Variants in CNR2 observed in about 807,000 individuals in gnomAD.
CNR2 encodes cannabinoid receptor 2 (macrophage).
For missense variants in CNR2, 379 were observed against 439.9 expected, an observed-to-expected ratio of 0.86 and a Z score of 1.24; for synonymous variants, 172 against 182.2, an observed-to-expected ratio of 0.94 and a Z score of 0.45.
intron 1 of CNR2, chr1:23,907,830 T>TAA (rs1640521102): frequency 1.3e-5 from 2 of 152,072 alleles, no homozygotes; most frequent in Non-Finnish European, 2.9e-5. Context: ...ATGCTGTCTT[T>TAA]AATCATTGGC....
At chr1:23,906,970 C>A (rs1007468110) in intron 1 of CNR2, 1 of 151,814 alleles carries the variant, frequency 6.6e-6, no homozygotes, top group Non-Finnish European at 1.5e-5. Flanking sequence ...GTGTAGATCT[C>A]TTTTATACCC....
intron 1 of CNR2, among the ~76,000 whole-genome samples, chr1:23,892,997 C>T (rs532213879): frequency 2.0e-5 from 3 of 152,264 alleles, no homozygotes; most frequent in African/African-American, 7.2e-5. Flanking sequence ...GCCTGGGCGA[C>T]AGAGCGAGAC....
Position 23,871,154 on chromosome 1 carries a change from C to CAAAA in CNR2, c.*3377_*3380dup, listed in dbSNP as rs34781596. 8.5e-5 allele frequency: 5 copies of CAAAA among 58,768 alleles called. No individual in the cohort carries two copies. The highest frequency in any genetic ancestry group is 2.0e-4 in the African/African-American group (3 of 14,670). The allele number at this position is 58,768 out of a possible 1,614,324, so 3.6% of individuals were successfully genotyped here. A position where few individuals can be genotyped will look rare whatever the true frequency, so the allele number is the denominator to read the frequency against. On this transcript the variant is annotated 3_prime_UTR_variant, in exon 2 of 2. Transcript: ENST00000374472. ...TGGGTGACAGAGTGAGATTCTATGT[C>CAAAA]AAAAAAAAAAAAAAAAAAAAAAAAA...
At chr1:23,905,868 A>C (rs962216548) in intron 1 of CNR2, among the ~76,000 whole-genome samples, 4 of 152,206 alleles carry the variant, frequency 2.6e-5, no homozygotes, top group Non-Finnish European at 5.9e-5. Flanking sequence ...AACAAAGAAC[A>C]CATGTTGCAA....
chr1:23,896,415 G>A (rs1354853290), intron 1 of CNR2, among the ~76,000 whole-genome samples: 2 of 152,260 alleles, frequency 1.3e-5, no homozygotes, highest in African/African-American at 4.8e-5. Context: ...GTGGTGGGGA[G>A]GCATGAAGAC....
chr1:23,881,944 T>A (rs1264051208), intron 1 of CNR2, among the ~76,000 whole-genome samples: 5 of 151,134 alleles, frequency 3.3e-5, no homozygotes, highest in Non-Finnish European at 7.4e-5. Context: ...TTTCTTGAGA[T>A]GGAGTCTCAC....
At chr1:23,902,739 G>T in intron 1 of CNR2, 1 of 1,549,304 alleles carries the variant, frequency 6.5e-7, no homozygotes. Flanking sequence ...CAGCGTGGGG[G>T]ACCGCGCCAT....
At chr1:23,886,800 A>G (rs545213786) in intron 1 of CNR2, among the ~76,000 whole-genome samples, 18 of 152,378 alleles carry the variant, frequency 1.2e-4, no homozygotes, top group African/African-American at 3.4e-4. Context: ...GCAATTATCC[A>G]CATATCCCGA....
intron 1 of CNR2, among the ~76,000 whole-genome samples, chr1:23,882,790 A>G (rs1427040423): frequency 6.6e-6 from 1 of 152,148 alleles, no homozygotes; most frequent in African/African-American, 2.4e-5. Context: ...ACTGCACTCC[A>G]GCCTGGACAA....
At chr1:23,880,386 T>C (rs933305271) in intron 1 of CNR2, among the ~76,000 whole-genome samples, 1 of 151,768 alleles carries the variant, frequency 6.6e-6, no homozygotes, top group Non-Finnish European at 1.5e-5. Flanking sequence ...ACCGTGTTAG[T>C]CAGGCTGGTC....
chr1:23,906,045 C>T (rs1208584466), intron 1 of CNR2, among the ~76,000 whole-genome samples: 1 of 152,114 alleles, frequency 6.6e-6, no homozygotes, highest in African/African-American at 2.4e-5. Context: ...TCAGTTGGTC[C>T]TGAACTTACC....
Position 23,875,231 on chromosome 1 carries a change from A to G in CNR2, c.387T>C (p.Ile129=), listed in dbSNP as rs1006481868. The part of the protein sequence containing the change: ...ASVGSLLLTA[I]DRYLCLRYPP... ...GATAGCGCAGGCAGAGGTATCGGTC[A>G]ATGGCGGTCAGCAGGAGGCTACCCA... Residue 129 remains isoleucine (I), a synonymous_variant, in exon 2 of 2, where the codon ATT becomes ATC. Coordinates refer to ENST00000374472, the MANE Select transcript of CNR2 (RefSeq NM_001841.3). 2 of 1,614,166 alleles carry G rather than the reference A, an allele frequency of 1.2e-6. No individual in the cohort carries two copies. Among genetic ancestry groups the G allele is most frequent in the South Asian group, 2.2e-5 (2 of 91,082 alleles).
chr1:23,874,695 G>T lies in CNR2; in HGVS notation c.923C>A (p.Ser308Tyr). The T allele has an allele frequency of 6.2e-7, 1 of 1,614,198 alleles. No individual in the cohort carries two copies. Among genetic ancestry groups the T allele is most frequent in the Non-Finnish European group, 8.5e-7 (1 of 1,180,034 alleles). ...GTGAGCCAGGCAGTGATGGGCAGAG[G>T]AGCGGATCTCTCCACTCCGTAGAGC... is the stretch of plus-strand genomic sequence containing the variant. ...IYALRSGEIR[S>Y]SAHHCLAHWK... The change falls in exon 2 of 2, where the codon TCC (serine) becomes TAC (tyrosine). Residue 308 changes from serine to tyrosine, a missense_variant. By Grantham distance (144) the Ser-to-Tyr change is moderately radical. Transcript: ENST00000374472.
At chr1:23,888,696 C>T (rs1050258042) in intron 1 of CNR2, among the ~76,000 whole-genome samples, 1 of 152,092 alleles carries the variant, frequency 6.6e-6, no homozygotes, top group Non-Finnish European at 1.5e-5. Context: ...AAAGGCCAGG[C>T]GCGGTGGCTC....
chr1:23,908,722 C>A (rs1640538797), intron 1 of CNR2, among the ~76,000 whole-genome samples: 1 of 152,090 alleles, frequency 6.6e-6, no homozygotes, highest in South Asian at 2.1e-4. Context: ...CCCTCTGGCT[C>A]CTTCCTTGCT....
chr1:23,900,108 A>T (rs574277791), intron 1 of CNR2, among the ~76,000 whole-genome samples: 4 of 151,654 alleles, frequency 2.6e-5, no homozygotes, highest in Middle Eastern at 3.4e-3. Flanking sequence ...CCTGCACTTG[A>T]TGGATCAGCT....
At chr1:23,885,607 C>T (rs1227833194) in intron 1 of CNR2, among the ~76,000 whole-genome samples, 1 of 152,230 alleles carries the variant, frequency 6.6e-6, no homozygotes, top group African/African-American at 2.4e-5. Flanking sequence ...GGGCCGGGCG[C>T]GGCGGCTCAC....
chr1:23,902,452 C>T (rs1640416237), intron 1 of CNR2: 1 of 1,594,266 alleles, frequency 6.3e-7, no homozygotes, highest in Non-Finnish European at 8.6e-7. Context: ...TTCTTAGCAG[C>T]CTACAGAGTG....
At chr1:23,899,289 A>G (rs540759681) in intron 1 of CNR2, among the ~76,000 whole-genome samples, 7 of 152,304 alleles carry the variant, frequency 4.6e-5, no homozygotes, top group Non-Finnish European at 8.8e-5. Flanking sequence ...GGCAGCCTAG[A>G]TGTGAAACCA....
Sources: allele counts gnomAD v4.1 joint callset (sites outside exome capture counted in the v4.1 genomes callset), GRCh38; gene constraint gnomAD v4.1.1; transcripts MANE v1.5; gene names NCBI Gene and HGNC (gene_info 2026-07-23, HGNC 2026-07-21).